Variants in QSOX1 observed in about 807,000 individuals in gnomAD.
QSOX1 encodes sulfhydryl oxidase 1.
Under a neutral mutation model 76.1 loss-of-function variants are expected in QSOX1, and 40 were observed. The observed-to-expected ratio is 0.53, with a 90% CI of 0.41 to 0.68. The LOEUF is 0.68. Ranked by LOEUF, QSOX1 falls within the 30% of genes least tolerant of loss-of-function variation. QSOX1 has a pLI of 0.00. For synonymous variants in QSOX1, 392 were observed against 413.1 expected (o/e 0.95, Z 0.62); for missense variants, 931 against 974.3 (o/e 0.96, Z 0.59).
At position 180,182,263 on chromosome 1, in the gene QSOX1, C is replaced by T. The variant is rs751441899; in HGVS notation, c.696C>T (p.Thr232=). ...ATGTGGTGAGAAAGTTTGGTGTCAC[C>T]GACTTCCCCTCTTGCTACCTGCTGT... ...EANVVRKFGV[T]DFPSCYLLFR... The change falls in exon 6 of 12, where the codon ACC becomes ACT. Residue 232 remains threonine (T), a synonymous_variant. Coordinates refer to ENST00000367602, the MANE Select transcript of QSOX1 (RefSeq NM_002826.5). The T allele has an allele frequency of 5.6e-6, 9 of 1,614,088 alleles. No individual in the cohort carries two copies. Among genetic ancestry groups the T allele is most frequent in the South Asian group, 2.2e-5 (2 of 91,090 alleles).
Position 180,155,018 on chromosome 1 carries a change from G to T in QSOX1, c.111G>T (p.Ser37=), listed in dbSNP as rs1459521056. The T allele has an allele frequency of 1.3e-6, 2 of 1,512,728 alleles. No homozygotes were observed. The highest frequency in any genetic ancestry group is 2.9e-5 in the African/African-American group (2 of 69,594). 93.7% of individuals were successfully genotyped at this position (1,512,728 alleles called of 1,614,324 possible). Residue 37 remains serine (S), a synonymous_variant, in exon 1 of 12, where the codon TCG becomes TCT. Coordinates refer to ENST00000367602, the MANE Select transcript of QSOX1 (RefSeq NM_002826.5). ...ANAAPRSALY[S]PSDPLTLLQA... ...CGGCCCCGCGGTCGGCGCTCTATTC[G>T]CCTTCCGACCCGCTGACGCTGCTGC...
chr1:180,186,269 C>T, intron 8 of QSOX1, 87 bp downstream of exon 8: 1 of 1,522,464 alleles, frequency 6.6e-7, no homozygotes, highest in Non-Finnish European at 8.8e-7. Context: ...CCGTCAGCCC[C>T]TCCCTCCAGA....
intron 1 of QSOX1, among the ~76,000 whole-genome samples, chr1:180,163,238 C>T (rs2149230242): frequency 6.6e-6 from 1 of 152,164 alleles, no homozygotes; most frequent in East Asian, 1.9e-4. Context: ...CTGTACTGTT[C>T]CTCTTTCTCA....
chr1:180,197,219 C>T lies in QSOX1; in HGVS notation c.*182C>T. 1.3e-6 allele frequency: 2 copies of T among 1,571,384 alleles called. No homozygotes were observed. Among genetic ancestry groups the T allele is most frequent in the Non-Finnish European group, 8.6e-7 (1 of 1,162,464 alleles). On this transcript the variant is annotated 3_prime_UTR_variant, in exon 12 of 12. Coordinates refer to ENST00000367602, the MANE Select transcript of QSOX1 (RefSeq NM_002826.5). ...GCTAGGACAGAGAGCTCCTTTGACA[C>T]AAAAGACAGGAGCAGGGTCCAGGTT...
chr1:180,190,810 A>G (rs1472748862), intron 10 of QSOX1, among the ~76,000 whole-genome samples: 1 of 152,148 alleles, frequency 6.6e-6, no homozygotes, highest in African/African-American at 2.4e-5. Context: ...GAATTCAACC[A>G]GTCCTGTTTT....
At chr1:180,169,616 AAGTT>A (rs2149233111) in intron 2 of QSOX1, among the ~76,000 whole-genome samples, 1 of 152,284 alleles carries the variant, frequency 6.6e-6, no homozygotes, top group Non-Finnish European at 1.5e-5. Flanking sequence ...ACTTCAGTAA[AAGTT>A]AGTTTGCTTC....
intron 1 of QSOX1, among the ~76,000 whole-genome samples, chr1:180,157,998 T>G (rs1177347290): frequency 6.6e-6 from 1 of 152,236 alleles, no homozygotes; most frequent in East Asian, 1.9e-4. Flanking sequence ...CCAGTAGTTA[T>G]TTATTACACG....
chr1:180,175,468 G>C, intron 3 of QSOX1, 102 bp downstream of exon 3: 4 of 1,300,104 alleles, frequency 3.1e-6, no homozygotes, highest in Non-Finnish European at 4.5e-6. Context: ...CAGTCGGCAG[G>C]GTCGAGGGTG....
chr1:180,181,373 G>T (rs1363527438), intron 5 of QSOX1, among the ~76,000 whole-genome samples: 1 of 152,096 alleles, frequency 6.6e-6, no homozygotes, highest in Non-Finnish European at 1.5e-5. Context: ...TCTAATGTGG[G>T]GACATTGTCA....
At position 180,198,254 on chromosome 1, in the gene QSOX1, C is replaced by G; in HGVS notation, c.*1217C>G. The G allele has an allele frequency of 2.2e-6, 1 of 456,584 alleles. No individual in the cohort carries two copies. Among genetic ancestry groups the G allele is most frequent in the Non-Finnish European group, 4.4e-6 (1 of 226,924 alleles). 28.3% of individuals were successfully genotyped at this position (456,584 alleles called of 1,614,324 possible). A position where few individuals can be genotyped will look rare whatever the true frequency, so the allele number is the denominator to read the frequency against. Reference sequence around the variant, plus strand: ...GATGTGCAGCCTTGCCACCCCCTGCCCCAATCCTCCCTGAGAGCTCCTGCC... The same window carrying G: ...GATGTGCAGCCTTGCCACCCCCTGCGCCAATCCTCCCTGAGAGCTCCTGCC... On this transcript the variant is annotated 3_prime_UTR_variant, in exon 12 of 12. Transcript: ENST00000367602.
chr1:180,190,574 G>GT lies in QSOX1; in HGVS notation c.1282_1283insT (p.Glu428ValfsTer27), dbSNP rs1663283888. 1 of 1,613,514 alleles carries GT rather than the reference G, an allele frequency of 6.2e-7. No individual in the cohort carries two copies. Among genetic ancestry groups the GT allele is most frequent in the Non-Finnish European group, 8.5e-7 (1 of 1,179,684 alleles). The stretch of plus-strand genomic sequence containing the variant: ...TCGGCAAAATGTAGACCACTCACAG[G>GT]AAGCAGGTACGTCCAGGACCCGTTC... On this transcript the variant is annotated frameshift_variant, in exon 10 of 12. Coordinates refer to ENST00000367602, the MANE Select transcript of QSOX1 (RefSeq NM_002826.5). LOFTEE classifies it high-confidence loss of function.
At chr1:180,188,478 G>A (rs561880402) in intron 8 of QSOX1, among the ~76,000 whole-genome samples, 4 of 152,256 alleles carry the variant, frequency 2.6e-5, no homozygotes, top group Non-Finnish European at 4.4e-5. Flanking sequence ...AAGTCAGGAT[G>A]ATGGCAAAGG....
In QSOX1 at chr1:180,203,365, T is replaced by A. The variant is rs1228520237; in HGVS notation, c.*6328T>A. Reference sequence around the variant, plus strand: ...TTAGAAAGCAACATTAGGATGAACTTAAGTCAGGGCTTGGACTAGAGCAAG... The same window carrying A: ...TTAGAAAGCAACATTAGGATGAACTAAAGTCAGGGCTTGGACTAGAGCAAG... On this transcript the variant is annotated 3_prime_UTR_variant, in exon 12 of 12. Transcript: ENST00000367602. The A allele has an allele frequency of 6.6e-6, 1 of 152,188 alleles. No homozygotes were observed. The allele number at this position is 152,188 out of a possible 1,614,324, so 9.4% of individuals were successfully genotyped here.
intron 2 of QSOX1, among the ~76,000 whole-genome samples, chr1:180,169,654 C>T (rs1263976473): frequency 1.3e-5 from 2 of 152,266 alleles, no homozygotes; most frequent in Admixed American, 1.3e-4. Flanking sequence ...CATCTCACTC[C>T]TGGGCCACCC....
chr1:180,190,486 G>T lies in QSOX1; in HGVS notation c.1194G>T (p.Pro398=), dbSNP rs61736297. The T allele has an allele frequency of 1.7e-5, 27 of 1,613,868 alleles. No homozygotes were observed. Among genetic ancestry groups the T allele is most frequent in the Non-Finnish European group, 2.3e-5 (27 of 1,179,858 alleles). Residue 398 remains proline (P), a synonymous_variant, in exon 10 of 12, where the codon CCG becomes CCT. Transcript: ENST00000367602. Reference sequence around the variant, plus strand: ...GGATTGGCTGCCAGGGGAGTGAGCCGCATTTCCGGGGCTTTCCCTGCTCCC... The same window carrying T: ...GGATTGGCTGCCAGGGGAGTGAGCCTCATTTCCGGGGCTTTCCCTGCTCCC... ...VNWIGCQGSE[P]HFRGFPCSLW... is the part of the protein sequence containing the mutation.
intron 1 of QSOX1, among the ~76,000 whole-genome samples, chr1:180,161,690 G>A (rs1279959556): frequency 6.6e-6 from 1 of 152,044 alleles, no homozygotes; most frequent in African/African-American, 2.4e-5. Flanking sequence ...CTTAAATCTG[G>A]ACAACAAAAC....
At chr1:180,157,408 T>G (rs1662398418) in intron 1 of QSOX1, among the ~76,000 whole-genome samples, 1 of 152,124 alleles carries the variant, frequency 6.6e-6, no homozygotes, top group Non-Finnish European at 1.5e-5. Flanking sequence ...TGTCCTGAGG[T>G]TTCTTGAGAA....
In QSOX1 at chr1:180,184,364, C is replaced by G. The variant is rs1390590567; in HGVS notation, c.887+314C>G. Among the ~76,000 whole-genome samples, 5 of 152,222 alleles carry G rather than the reference C, an allele frequency of 3.3e-5. No homozygotes were observed. The East Asian group carries it at 5.8e-4, about 18-fold the overall frequency. On this transcript the variant is annotated intron_variant, in intron 7 of 11. Transcript: ENST00000367602. ...TGGGGAATCTGCGTGCAAGGACACT[C>G]TGAGGCCTCCAGACCAACTTCCCAC...
At chr1:180,183,490 TTA>T (rs2149238939) in intron 6 of QSOX1, among the ~76,000 whole-genome samples, 1 of 152,326 alleles carries the variant, frequency 6.6e-6, no homozygotes, top group Admixed American at 6.5e-5. Context: ...GTAATGTCAC[TTA>T]TAGTACCTCA....
Sources: gnomAD v4.1 joint callset for allele counts (sites outside exome capture counted in the v4.1 genomes callset) on GRCh38, gnomAD v4.1.1 for gene constraint, MANE v1.5 for transcripts, NCBI Gene and HGNC (gene_info 2026-07-23, HGNC 2026-07-21) for gene names.